The following ASCC2 variants were observed in gnomAD, a reference collection of about 807,000 sequenced individuals.
ASCC2 encodes ASC-1 complex subunit P100.
In ASCC2, 42 loss-of-function variants were observed where a neutral mutation model predicts 93.5. The observed-to-expected ratio is 0.45, with a 90% CI of 0.35 to 0.58. The LOEUF (loss-of-function observed/expected upper bound fraction) is 0.58. ASCC2 is among the 20% of genes least tolerant of loss of function. The pLI, the probability that ASCC2 is intolerant of heterozygous loss-of-function variation, is 0.00. For missense variants in ASCC2, 859 were observed against 977.6 expected (o/e 0.88, Z 1.62); for synonymous variants, 364 against 384.2 (o/e 0.95, Z 0.62).
chr22:29,799,457 A>G (rs1413423706), intron 15 of ASCC2, among the ~76,000 whole-genome samples: 3 of 152,200 alleles, frequency 2.0e-5, no homozygotes, highest in Admixed American at 6.5e-5. Flanking sequence ...TCAGCCAGCC[A>G]AGCTTTTAGC....
chr22:29,825,183 C>T lies in ASCC2; in HGVS notation c.315G>A (p.Gly105=). ...CAACAACCTCAGGGGCTGAGGCCAC[C>T]CCCTCGTCGAATTTGCGGGGGACAT... ...LRYVPRKFDE[G]VASAPEVVDM... The change falls in exon 4 of 20, where the codon GGG becomes GGA. Residue 105 remains glycine, a synonymous_variant. Transcript: ENST00000307790. The surrounding 1 kb of genome is among the most constrained non-coding windows in gnomAD (Gnocchi z 4.9). 1 of 1,564,498 alleles carries T rather than the reference C, an allele frequency of 6.4e-7. No homozygotes were observed. The highest frequency in any genetic ancestry group is 8.6e-7 in the Non-Finnish European group (1 of 1,156,516).
chr22:29,827,699 C>T (rs1483357992), intron 2 of ASCC2: 5 of 443,236 alleles, frequency 1.1e-5, no homozygotes, highest in Non-Finnish European at 2.4e-5. Flanking sequence ...CCTCTTCTAT[C>T]TGTTGGCACT....
rs1466553188 is a variant in ASCC2 at position 29,825,592 on chromosome 22, G to T, written c.240+30C>A. 6.2e-7 allele frequency: 1 copy of T among 1,614,016 alleles called. No individual in the cohort carries two copies. Among genetic ancestry groups the T allele is most frequent in the Non-Finnish European group, 8.5e-7 (1 of 1,179,878 alleles). ...CAACCAATGGCATGTCATGTGCTTT[G>T]TCTTAGCGTTAATTTTGATAGAATG... On this transcript the variant is annotated intron_variant, in intron 3 of 19. Transcript: ENST00000307790. This position sits in a 1 kb window ranked among gnomAD's most constrained non-coding sequence, Gnocchi z 4.9.
chr22:29,801,443 T>G (rs1163189232), intron 14 of ASCC2, among the ~76,000 whole-genome samples: 1 of 152,232 alleles, frequency 6.6e-6, no homozygotes, highest in African/African-American at 2.4e-5. Flanking sequence ...TCAACCTCAT[T>G]GTGCCTCAGA....
chr22:29,797,901 G>T lies in ASCC2; in HGVS notation c.1688+3090C>A, dbSNP rs539765610. Among the ~76,000 whole-genome samples the T allele has an allele frequency of 1.2e-3, 185 of 152,312 alleles. 1 individual carries two copies. The highest frequency in any genetic ancestry group is 2.2e-3 in the Non-Finnish European group (147 of 68,020). ...CTGCCTCAGCCTCCCGAGTAACTGAGATTACAGATGCCTGCCACCATGCCC... is the reference window on the plus strand; with the variant it reads ...CTGCCTCAGCCTCCCGAGTAACTGATATTACAGATGCCTGCCACCATGCCC... On this transcript the variant is annotated intron_variant, in intron 15 of 19. Transcript: ENST00000307790.
At chr22:29,833,686 T>C in intron 1 of ASCC2, 1 of 466,920 alleles carries the variant, frequency 2.1e-6, no homozygotes, top group Non-Finnish European at 4.4e-6. Flanking sequence ...TCAAAAAACA[T>C]GCCATAAAAG....
chr22:29,805,846 G>C (rs2059609847), intron 12 of ASCC2, among the ~76,000 whole-genome samples: 1 of 151,654 alleles, frequency 6.6e-6, no homozygotes, highest in East Asian at 2.0e-4. Context: ...AGCTCTGCTG[G>C]GTGAGGCGCC....
rs2060501473 is a variant in ASCC2, at chr22:29,813,433, T to C, written c.830A>G (p.Tyr277Cys). 3.1e-6 allele frequency: 5 copies of C among 1,605,620 alleles called. No individual in the cohort carries two copies. The highest frequency in any genetic ancestry group is 4.3e-6 in the Non-Finnish European group (5 of 1,172,200). Residue 277 changes from tyrosine to cysteine, a missense_variant, in exon 8 of 20, where the codon TAC becomes TGC. Coordinates refer to ENST00000307790, the MANE Select transcript of ASCC2 (RefSeq NM_032204.5). ...CQTFQKHDFC[Y>C]RLASFYEAAI... ...ACAGCCAGAACTACCGCCTTACCTGTAACAAAAGTCGTGCTTCTGGAAGGT... is the reference window on the plus strand; with the variant it reads ...ACAGCCAGAACTACCGCCTTACCTGCAACAAAAGTCGTGCTTCTGGAAGGT...
chr22:29,801,967 G>A (rs759871592), intron 14 of ASCC2, 27 bp downstream of exon 14: 5 of 1,556,436 alleles, frequency 3.2e-6, no homozygotes, highest in South Asian at 1.2e-5. Flanking sequence ...TGGGCAGCGG[G>A]AGCCTCCTCC....
intron 17 of ASCC2, 98 bp from the exon 18 acceptor site, chr22:29,792,633 G>A: frequency 6.7e-7 from 1 of 1,485,794 alleles, no homozygotes; most frequent in Non-Finnish European, 9.1e-7. Context: ...GGGGCCGCCA[G>A]GAGGGCTCAG....
chr22:29,824,284 ACACACACT>A (rs150884818), intron 4 of ASCC2, among the ~76,000 whole-genome samples: 12 of 148,940 alleles, frequency 8.1e-5, no homozygotes, highest in Admixed American at 6.7e-4. Context: ...ACACACACAC[ACACACACT>A]CAAAGGGAAC....
Position 29,832,072 on chromosome 22 carries a change from G to A in ASCC2, c.81+173C>T, listed in dbSNP as rs1196260481. On this transcript the variant is annotated intron_variant, in intron 2 of 19. Coordinates refer to ENST00000307790, the MANE Select transcript of ASCC2 (RefSeq NM_032204.5). ...CCTATGCAAATTCAAGTTGCTGCTC[G>A]GAAGGAAATTCCTACTCTGGGCCTG... 4.6e-5 allele frequency among the ~76,000 whole-genome samples: 7 copies of A among 152,164 alleles called. No homozygotes were observed. The South Asian group carries it at 8.3e-4, about 18-fold the overall frequency.
In ASCC2 at chr22:29,825,317, T is replaced by C; in HGVS notation, c.241-60A>G. 1 of 1,490,730 alleles carries C rather than the reference T, an allele frequency of 6.7e-7. No individual in the cohort carries two copies. The highest frequency in any genetic ancestry group is 2.3e-5 in the East Asian group (1 of 43,062). 92.3% of individuals were successfully genotyped at this position (1,490,730 alleles called of 1,614,324 possible). On this transcript the variant is annotated intron_variant, in intron 3 of 19. Coordinates refer to ENST00000307790, the MANE Select transcript of ASCC2 (RefSeq NM_032204.5). This position sits in a 1 kb window ranked among gnomAD's most constrained non-coding sequence, Gnocchi z 4.9. ...CCCTTAGGCCCCAGGGGCTTGTGGG[T>C]GGACTGTGCAGGGACTCAATGCCCA...
intron 2 of ASCC2, among the ~76,000 whole-genome samples, chr22:29,826,709 G>T (rs761191745): frequency 2.7e-4 from 41 of 151,924 alleles, no homozygotes; most frequent in Middle Eastern, 3.4e-3. Flanking sequence ...GAGCTGCCTG[G>T]GACTACACTC....
At chr22:29,809,121 CA>C (rs1316093434) in intron 8 of ASCC2, among the ~76,000 whole-genome samples, 541 of 40,970 alleles carry the variant, frequency 0.013, 7 homozygotes, top group African/African-American at 0.039. Context: ...GACTCTGTCT[CA>C]AAAAAAAAAA....
Position 29,809,075 on chromosome 22 carries a change from G to A in ASCC2, c.834-890C>T, listed in dbSNP as rs529727456. On this transcript the variant is annotated intron_variant, in intron 8 of 19. Coordinates refer to ENST00000307790, the MANE Select transcript of ASCC2 (RefSeq NM_032204.5). ...GTGGAGGTTGCAGTGAGCCAAGATC[G>A]CCCCCCACTGAACTCCAGCCTGGGC... is the stretch of plus-strand genomic sequence containing the variant. Among the ~76,000 whole-genome samples, 21 of 141,278 alleles carry A rather than the reference G, an allele frequency of 1.5e-4. No individual in the cohort carries two copies. The East Asian group carries it at 4.5e-3, about 30-fold the overall frequency. 92.7% of individuals were successfully genotyped at this position (141,278 alleles called of 152,430 possible). A position where few individuals can be genotyped will look rare whatever the true frequency, so the allele number is the denominator to read the frequency against.
chr22:29,821,242 C>T (rs2061521768), intron 5 of ASCC2, among the ~76,000 whole-genome samples: 1 of 152,212 alleles, frequency 6.6e-6, no homozygotes, highest in South Asian at 2.1e-4. Flanking sequence ...CCTCTGCCTG[C>T]TAATGGGATC....
At chr22:29,837,193 G>A (rs1019650348) in intron 1 of ASCC2, among the ~76,000 whole-genome samples, 9 of 151,924 alleles carry the variant, frequency 5.9e-5, no homozygotes, top group Non-Finnish European at 2.9e-5. Context: ...CGCTTTGGGA[G>A]GCCAAGGCGG....
chr22:29,833,965 T>C (rs1138120), intron 1 of ASCC2: 51,338 of 175,140 alleles, frequency 0.29, 8,838 homozygotes, highest in East Asian at 0.59. Flanking sequence ...AATACGCCCA[T>C]CTTGGCTTCC....
Sources: allele counts gnomAD v4.1 joint callset (sites outside exome capture counted in the v4.1 genomes callset), GRCh38; gene constraint gnomAD v4.1.1; non-coding constraint Gnocchi (gnomAD v3.1); transcripts MANE v1.5; gene names NCBI Gene and HGNC (gene_info 2026-07-23, HGNC 2026-07-21).